The following ARK2N variants were observed in gnomAD, a reference collection of about 807,000 sequenced individuals.
ARK2N encodes arkadia (RNF111) N-terminal like PKA signaling regulator 2N.
At chr18:46,216,547 G>A in the ARK2N span, 6 of 1,614,104 alleles carry the variant, frequency 3.7e-6, no homozygotes, top group Non-Finnish European at 5.1e-6. This position sits in a 1 kb window ranked among gnomAD's most constrained non-coding sequence, Gnocchi z 4.3. Context: ...ATCAGATGAT[G>A]ATGAAGAGGT....
the ARK2N span, among the ~76,000 whole-genome samples, chr18:46,199,818 A>G: frequency 6.6e-6 from 1 of 152,108 alleles, no homozygotes; most frequent in South Asian, 2.1e-4. Flanking sequence ...GGCCAGGTAT[A>G]TGTTTAGCTG....
chr18:46,176,551 C>T, the ARK2N span, among the ~76,000 whole-genome samples: 4 of 151,674 alleles, frequency 2.6e-5, no homozygotes, highest in Admixed American at 6.6e-5. Flanking sequence ...ACCTCCCGAG[C>T]TCAAGCATTC....
At chr18:46,266,717 G>A in the ARK2N span, 8 of 152,660 alleles carry the variant, frequency 5.2e-5, no homozygotes, top group East Asian at 1.9e-4. Context: ...GAGTGTGAGC[G>A]TGGACTTGAT....
At chr18:46,263,274 T>C in the ARK2N span, 1 of 656,754 alleles carries the variant, frequency 1.5e-6, no homozygotes, top group Non-Finnish European at 2.4e-6. Flanking sequence ...CCCCCCTTTT[T>C]TTAATTAAAA....
chr18:46,260,104 C>T, the ARK2N span, among the ~76,000 whole-genome samples: 1 of 152,142 alleles, frequency 6.6e-6, no homozygotes, highest in Admixed American at 6.5e-5. Context: ...TTAAAATTTT[C>T]CTTAACATTC....
the ARK2N span, among the ~76,000 whole-genome samples, chr18:46,185,345 T>C: frequency 2.0e-5 from 3 of 152,242 alleles, no homozygotes; most frequent in Non-Finnish European, 4.4e-5. Context: ...CTCCCTCATG[T>C]ATAAAGTTAA....
chr18:46,179,886 A>G, the ARK2N span, among the ~76,000 whole-genome samples: 1 of 152,184 alleles, frequency 6.6e-6, no homozygotes, highest in East Asian at 1.9e-4. Flanking sequence ...TGGCCTCCCA[A>G]AGTGCTGGGA....
At chr18:46,263,204 G>A in the ARK2N span, 11 of 1,333,978 alleles carry the variant, frequency 8.2e-6, no homozygotes, top group African/African-American at 4.4e-5. Context: ...CATAGCTTCA[G>A]CTTCAGAAGC....
chr18:46,176,062 T>TTAGAACTGAGGGC, the ARK2N span, among the ~76,000 whole-genome samples: 1 of 152,242 alleles, frequency 6.6e-6, no homozygotes, highest in Non-Finnish European at 1.5e-5. Flanking sequence ...TGCAGTTCCA[T>TTAGAACTGAGGGC]TAGAACTGAG....
chr18:46,199,280 C>T, the ARK2N span, among the ~76,000 whole-genome samples: 1 of 151,750 alleles, frequency 6.6e-6, no homozygotes, highest in Non-Finnish European at 1.5e-5. Context: ...CTAGAAACTC[C>T]TTTCCTGTAT....
At chr18:46,228,882 A>G in the ARK2N span, 5 of 398,412 alleles carry the variant, frequency 1.3e-5, no homozygotes, top group Admixed American at 4.4e-5. Flanking sequence ...ATAGGTATTA[A>G]TAGTTATATT....
the ARK2N span, among the ~76,000 whole-genome samples, chr18:46,241,743 A>G: frequency 6.6e-6 from 1 of 152,154 alleles, no homozygotes; most frequent in African/African-American, 2.4e-5. Flanking sequence ...AGAAAAAAGA[A>G]GTAATAATGC....
At chr18:46,243,683 G>C in the ARK2N span, among the ~76,000 whole-genome samples, 7 of 152,112 alleles carry the variant, frequency 4.6e-5, no homozygotes, top group Non-Finnish European at 7.4e-5. Flanking sequence ...GTTGATGCTG[G>C]AATTGAACAC....
chr18:46,180,971 C>T, the ARK2N span, among the ~76,000 whole-genome samples: 3 of 151,714 alleles, frequency 2.0e-5, no homozygotes, highest in African/African-American at 7.2e-5. Flanking sequence ...ACTTAAATGT[C>T]GTTTTTTGGG....
At chr18:46,233,116 GA>G in the ARK2N span, among the ~76,000 whole-genome samples, 5 of 151,698 alleles carry the variant, frequency 3.3e-5, no homozygotes, top group Non-Finnish European at 5.9e-5. Context: ...TTTGGTAATT[GA>G]AAAAAAGAAT....
chr18:46,175,421 T>G, the ARK2N span, among the ~76,000 whole-genome samples: 1 of 152,100 alleles, frequency 6.6e-6, no homozygotes, highest in African/African-American at 2.4e-5. Flanking sequence ...TCTTGGGATA[T>G]TTTAAGGATG....
the ARK2N span, among the ~76,000 whole-genome samples, chr18:46,247,128 A>G: frequency 4.6e-5 from 7 of 152,292 alleles, no homozygotes; most frequent in East Asian, 1.3e-3. Flanking sequence ...TAGATCCATA[A>G]TGAATGAATA....
the ARK2N span, among the ~76,000 whole-genome samples, chr18:46,187,308 A>C: frequency 6.6e-6 from 1 of 150,644 alleles, no homozygotes; most frequent in Non-Finnish European, 1.5e-5. Context: ...ACAAAAAATC[A>C]GCAGTAGATG....
chr18:46,236,903 G>A, the ARK2N span, among the ~76,000 whole-genome samples: 1 of 144,534 alleles, frequency 6.9e-6, no homozygotes, highest in Non-Finnish European at 1.5e-5. Context: ...TTGCTCTGTT[G>A]GCCACACTGG....
Sources: allele counts gnomAD v4.1 joint callset (sites outside exome capture counted in the v4.1 genomes callset), GRCh38; gene constraint gnomAD v4.1.1; non-coding constraint Gnocchi (gnomAD v3.1); transcripts MANE v1.5; gene names NCBI Gene and HGNC (gene_info 2026-07-23, HGNC 2026-07-21).